Variants in RGS7 observed in about 807,000 individuals in gnomAD.
RGS7 encodes regulator of G-protein signaling 7.
RGS7 carries 27 observed loss-of-function variants against 81.1 expected under a neutral mutation model. The ratio of observed to expected loss-of-function variants is 0.33; its 90% CI spans 0.25 to 0.46. The LOEUF is 0.46. RGS7 is among the 20% of genes least tolerant of loss of function. The probability of loss-of-function intolerance (pLI) is 1.00; values close to 1 mark genes in which losing one functional copy is unlikely to be tolerated. For missense variants in RGS7, 396 were observed against 607.4 expected (o/e 0.65, Z 3.66); for synonymous variants, 208 against 207.7 (o/e 1.00, Z -0.01).
intron 3 of RGS7, chr1:240,998,803 T>A: frequency 1.6e-6 from 1 of 645,052 alleles, no homozygotes; most frequent in Non-Finnish European, 2.9e-6. Context: ...ATGGCACGGG[T>A]GAGTGTGGGG....
At chr1:241,334,386 G>T (rs1024325880) in intron 2 of RGS7, among the ~76,000 whole-genome samples, 4 of 152,102 alleles carry the variant, frequency 2.6e-5, no homozygotes, top group African/African-American at 9.7e-5. Context: ...TCGGTACCAC[G>T]GTCCTGGGAT....
chr1:241,273,585 C>T (rs1238948494), intron 2 of RGS7, among the ~76,000 whole-genome samples: 1 of 152,164 alleles, frequency 6.6e-6, no homozygotes, highest in Non-Finnish European at 1.5e-5. Flanking sequence ...TACTGTCTGA[C>T]TGCCAGCCTT....
intron 6 of RGS7, among the ~76,000 whole-genome samples, chr1:240,926,960 T>C (rs1431566090): frequency 3.9e-5 from 6 of 152,196 alleles, no homozygotes; most frequent in Non-Finnish European, 8.8e-5. Flanking sequence ...TATCAACTGA[T>C]CTATTGAGGC....
At chr1:241,119,122 A>C (rs1572767213) in intron 2 of RGS7, among the ~76,000 whole-genome samples, 2 of 152,316 alleles carry the variant, frequency 1.3e-5, no homozygotes, top group East Asian at 3.9e-4. Flanking sequence ...GTAAAAATAT[A>C]TATTAATTAC....
chr1:241,206,951 C>T (rs1394422312), intron 2 of RGS7, among the ~76,000 whole-genome samples: 10 of 144,018 alleles, frequency 6.9e-5, no homozygotes, highest in African/African-American at 2.6e-4. Flanking sequence ...TTCCTTCTTT[C>T]TCTCTCTGGT....
At chr1:240,895,357 T>C (rs1414936589) in intron 6 of RGS7, among the ~76,000 whole-genome samples, 2 of 152,252 alleles carry the variant, frequency 1.3e-5, no homozygotes, top group African/African-American at 2.4e-5. Context: ...GTTACATACA[T>C]ATACATGTGC....
chr1:241,288,027 A>T (rs1323787137), intron 2 of RGS7, among the ~76,000 whole-genome samples: 3 of 152,196 alleles, frequency 2.0e-5, no homozygotes, highest in East Asian at 3.8e-4. Context: ...CAGACAGAAG[A>T]TTCTTTTTCT....
At chr1:241,327,093 A>AGAAAGAAAGAAAGAAAGAAAGAAAGAAAG (rs2081598492) in intron 2 of RGS7, among the ~76,000 whole-genome samples, 1 of 56,028 alleles carries the variant, frequency 1.8e-5, no homozygotes, top group African/African-American at 7.4e-5. Context: ...AAAGAAAGAA[A>AGAAAGAAAGAAAGAAAGAAAGAAAGAAAG]GAAAGAAAGA....
At chr1:240,931,025 C>G (rs1036209079) in intron 5 of RGS7, among the ~76,000 whole-genome samples, 2 of 152,078 alleles carry the variant, frequency 1.3e-5, no homozygotes, top group Non-Finnish European at 2.9e-5. Flanking sequence ...TAATTTTACA[C>G]CAACTGACAT....
chr1:241,317,950 T>C (rs1425136813), intron 2 of RGS7, among the ~76,000 whole-genome samples: 1 of 152,172 alleles, frequency 6.6e-6, no homozygotes, highest in Admixed American at 6.5e-5. Flanking sequence ...GGCCTTGGCT[T>C]TTCCACATAA....
chr1:241,196,575 ATTAAAATAT>A (rs6143704), intron 2 of RGS7, among the ~76,000 whole-genome samples: 40,034 of 151,686 alleles, frequency 0.26, 6,018 homozygotes, highest in Non-Finnish European at 0.33. Context: ...GATAACAGTG[ATTAAAATAT>A]TTAAAAGATT....
chr1:241,047,733 CTTT>C (rs34738551), intron 3 of RGS7, among the ~76,000 whole-genome samples: 1 of 89,506 alleles, frequency 1.1e-5, no homozygotes, highest in Non-Finnish European at 2.1e-5. Flanking sequence ...GTTTACAATC[CTTT>C]TTTTTTTTTT....
intron 2 of RGS7, among the ~76,000 whole-genome samples, chr1:241,327,096 A>AAAGAAAGAAAG: frequency 2.8e-5 from 2 of 72,082 alleles, no homozygotes; most frequent in Non-Finnish European, 5.7e-5. Context: ...GAAAGAAAGA[A>AAAGAAAGAAAG]AGAAAGAAAG....
chr1:240,977,101 C>A (rs1196808638), intron 4 of RGS7, among the ~76,000 whole-genome samples: 1 of 134,056 alleles, frequency 7.5e-6, no homozygotes, highest in African/African-American at 2.7e-5. Flanking sequence ...TACACACACA[C>A]ACACACACAC....
chr1:241,287,546 T>C (rs952365855), intron 2 of RGS7, among the ~76,000 whole-genome samples: 3 of 152,210 alleles, frequency 2.0e-5, no homozygotes, highest in African/African-American at 7.2e-5. Flanking sequence ...CTTTCCTTTA[T>C]AAATTACCCA....
chr1:241,220,502 T>C (rs532377186), intron 2 of RGS7, among the ~76,000 whole-genome samples: 1 of 152,202 alleles, frequency 6.6e-6, no homozygotes, highest in South Asian at 2.1e-4. Flanking sequence ...AGAAAATTAT[T>C]TTTCCTTCCT....
intron 6 of RGS7, among the ~76,000 whole-genome samples, chr1:240,895,132 C>T (rs1668845418): frequency 6.6e-6 from 1 of 152,068 alleles, no homozygotes; most frequent in Non-Finnish European, 1.5e-5. Context: ...ATGTGACATG[C>T]TTGTTCTCTT....
Position 241,271,735 on chromosome 1 carries a change from C to A in RGS7, c.78+83964G>T, listed in dbSNP as rs1379655556. 1.3e-5 allele frequency among the ~76,000 whole-genome samples: 2 copies of A among 152,088 alleles called. No homozygotes were observed. Among genetic ancestry groups the A allele is most frequent in the Non-Finnish European group, 2.9e-5 (2 of 68,016 alleles). On this transcript the variant is annotated intron_variant, in intron 2 of 18. Coordinates refer to ENST00000440928, the MANE Select transcript of RGS7 (RefSeq NM_001364886.1). The surrounding 1 kb of genome is among the most constrained non-coding windows in gnomAD (Gnocchi z 4.6). ...TGGAGTGCTTGAGCTAGGACATTGGCCTTGGAGTGGGATTTACACCAGCAT... is the reference window on the plus strand; with the variant it reads ...TGGAGTGCTTGAGCTAGGACATTGGACTTGGAGTGGGATTTACACCAGCAT...
intron 4 of RGS7, among the ~76,000 whole-genome samples, chr1:240,952,113 G>A (rs187514141): frequency 1.3e-5 from 2 of 152,142 alleles, no homozygotes; most frequent in Admixed American, 1.3e-4. Flanking sequence ...TAGTGGGCTT[G>A]CCTTGCCAGA....
Sources: gnomAD v4.1 joint callset for allele counts (sites outside exome capture counted in the v4.1 genomes callset) on GRCh38, gnomAD v4.1.1 for gene constraint, Gnocchi (gnomAD v3.1) non-coding constraint, MANE v1.5 for transcripts, NCBI Gene and HGNC (gene_info 2026-07-23, HGNC 2026-07-21) for gene names.